Variants in KHDRBS2 observed in about 807,000 individuals in gnomAD.
The protein encoded by KHDRBS2 is KH RNA binding domain containing, signal transduction associated 2, also known as KH domain-containing, RNA-binding, signal transduction-associated protein 2.
KHDRBS2 carries 26 observed loss-of-function variants against 44.3 expected under a neutral mutation model. The ratio of observed to expected loss-of-function variants is 0.59; its 90% CI spans 0.43 to 0.81. The LOEUF (loss-of-function observed/expected upper bound fraction) is 0.81. Ranked by LOEUF, KHDRBS2 falls within the 40% of genes least tolerant of loss-of-function variation. KHDRBS2 has a pLI of 0.00. For missense variants in KHDRBS2, 476 were observed against 433.1 expected (o/e 1.10, Z -0.88); for synonymous variants, 194 against 151.1 (o/e 1.28, Z -2.08).
intron 1 of KHDRBS2, among the ~76,000 whole-genome samples, chr6:62,207,499 T>C (rs1828199533): frequency 6.6e-6 from 1 of 152,122 alleles, no homozygotes. Flanking sequence ...GTAAAACCTG[T>C]ACCAATTTAT....
At chr6:61,923,483 G>A (rs914806884) in intron 4 of KHDRBS2, among the ~76,000 whole-genome samples, 15 of 151,964 alleles carry the variant, frequency 9.9e-5, no homozygotes, top group East Asian at 5.8e-4. Context: ...ATGTAAGGCC[G>A]TATGGGCTTT....
chr6:61,811,421 T>C (rs1788095838), intron 6 of KHDRBS2, among the ~76,000 whole-genome samples: 3 of 152,158 alleles, frequency 2.0e-5, no homozygotes, highest in Admixed American at 1.3e-4. Flanking sequence ...TCCAAGTCCA[T>C]GTGTCTCTCA....
the KHDRBS2 span, among the ~76,000 whole-genome samples, chr6:61,598,825 CTTTTTTCTTTTCTTTTTT>C: frequency 3.5e-5 from 2 of 56,500 alleles, no homozygotes; most frequent in African/African-American, 1.6e-4. Context: ...GTAGAGTGTC[CTTTTTTCTTTTCTTTTTT>C]TTTTTTTTTT....
chr6:61,667,614 C>A, the KHDRBS2 span, among the ~76,000 whole-genome samples: 2 of 151,294 alleles, frequency 1.3e-5, no homozygotes, highest in South Asian at 2.1e-4. Flanking sequence ...CAAAATATTT[C>A]TTCGTCATCT....
intron 3 of KHDRBS2, among the ~76,000 whole-genome samples, chr6:62,044,150 T>C (rs1040919245): frequency 6.6e-6 from 1 of 152,034 alleles, no homozygotes; most frequent in Non-Finnish European, 1.5e-5. Context: ...ACATACTTTG[T>C]ATGTCTTATG....
intron 1 of KHDRBS2, among the ~76,000 whole-genome samples, chr6:62,196,454 T>C (rs1337589186): frequency 2.6e-5 from 4 of 152,142 alleles, no homozygotes; most frequent in Non-Finnish European, 5.9e-5. Context: ...CTCAGTTCTG[T>C]ACAGTACTAC....
At chr6:62,107,782 T>C (rs951333943) in intron 2 of KHDRBS2, among the ~76,000 whole-genome samples, 11 of 152,004 alleles carry the variant, frequency 7.2e-5, no homozygotes, top group African/African-American at 2.7e-4. Context: ...CTCTCAGAAA[T>C]AATGCCGCAT....
the KHDRBS2 span, among the ~76,000 whole-genome samples, chr6:61,607,547 A>AAAAAAAG: frequency 1.4e-5 from 2 of 140,216 alleles, no homozygotes; most frequent in Non-Finnish European, 3.1e-5. Flanking sequence ...AAAAAAAAAG[A>AAAAAAAG]TGTGTGAGAA....
chr6:62,165,974 C>A (rs1031987728), intron 2 of KHDRBS2, among the ~76,000 whole-genome samples: 4 of 151,994 alleles, frequency 2.6e-5, no homozygotes, highest in Non-Finnish European at 5.9e-5. Context: ...TTCTTTCCTC[C>A]CCACAATCCC....
the KHDRBS2 span, among the ~76,000 whole-genome samples, chr6:61,561,894 T>A: frequency 1.3e-5 from 2 of 152,184 alleles, no homozygotes; most frequent in Non-Finnish European, 2.9e-5. Context: ...CAGCCTACTC[T>A]CTAGCCACTT....
chr6:61,935,931 TTTCTAG>T (rs1810934984), intron 4 of KHDRBS2, among the ~76,000 whole-genome samples: 1 of 152,140 alleles, frequency 6.6e-6, no homozygotes, highest in South Asian at 2.1e-4. Context: ...AAAATGGAAA[TTTCTAG>T]TTCTTCAATA....
the KHDRBS2 span, among the ~76,000 whole-genome samples, chr6:61,658,032 A>G: frequency 5.8e-4 from 88 of 152,076 alleles, no homozygotes; most frequent in African/African-American, 1.9e-3. Flanking sequence ...TGTCTAATTC[A>G]TTCAACAAAC....
At chr6:61,636,817 G>A in the KHDRBS2 span, among the ~76,000 whole-genome samples, 1 of 151,998 alleles carries the variant, frequency 6.6e-6, no homozygotes, top group Non-Finnish European at 1.5e-5. Flanking sequence ...ATCATCTGTA[G>A]TAGAATACAA....
chr6:62,015,003 T>G (rs1200656275), intron 3 of KHDRBS2, among the ~76,000 whole-genome samples: 10 of 152,174 alleles, frequency 6.6e-5, no homozygotes, highest in Non-Finnish European at 1.0e-4. Context: ...TGGAAGGTAT[T>G]CAAGGAAAGG....
chr6:62,100,159 G>T (rs895643040), intron 2 of KHDRBS2, among the ~76,000 whole-genome samples: 16 of 152,166 alleles, frequency 1.1e-4, no homozygotes, highest in African/African-American at 3.9e-4. Context: ...CATGACTTCA[G>T]TGGAGGATGT....
chr6:61,552,285 G>C, the KHDRBS2 span, among the ~76,000 whole-genome samples: 2 of 152,036 alleles, frequency 1.3e-5, no homozygotes, highest in Admixed American at 1.3e-4. Flanking sequence ...TTGTGAATGG[G>C]ATTGCATTTT....
At chr6:61,695,122 G>T (rs1767764174) in intron 8 of KHDRBS2, among the ~76,000 whole-genome samples, 1 of 152,014 alleles carries the variant, frequency 6.6e-6, no homozygotes, top group South Asian at 2.1e-4. Context: ...TAGGATTTAG[G>T]AAGGAAGCTG....
the KHDRBS2 span, among the ~76,000 whole-genome samples, chr6:61,591,789 T>C: frequency 6.6e-6 from 1 of 152,134 alleles, no homozygotes; most frequent in Non-Finnish European, 1.5e-5. Context: ...TCAGTAAACA[T>C]CAGGGGCAAG....
intron 6 of KHDRBS2, among the ~76,000 whole-genome samples, chr6:61,758,382 A>C (rs1207414026): frequency 6.6e-6 from 1 of 151,916 alleles, no homozygotes; most frequent in African/African-American, 2.4e-5. Context: ...GCTTGTAAGT[A>C]TAGCTTTGTA....
Sources: gnomAD v4.1 joint callset for allele counts (sites outside exome capture counted in the v4.1 genomes callset) on GRCh38, gnomAD v4.1.1 for gene constraint, MANE v1.5 for transcripts, NCBI Gene and HGNC (gene_info 2026-07-23, HGNC 2026-07-21) for gene names.